Variants in SH3RF3 observed in about 807,000 individuals in gnomAD.
SH3RF3 encodes E3 ubiquitin-protein ligase SH3RF3.
SH3RF3 carries 29 observed loss-of-function variants against 66.3 expected under a neutral mutation model. That is an observed-to-expected ratio of 0.44 (90% CI 0.33 to 0.60). The LOEUF (loss-of-function observed/expected upper bound fraction) is 0.60, where lower values mean the gene tolerates loss of function less well. SH3RF3 is among the 20% of genes least tolerant of loss of function. SH3RF3 has a pLI of 0.04. For synonymous variants in SH3RF3, 583 were observed against 532.0 expected, an observed-to-expected ratio of 1.10 and a Z score of -1.32; for missense variants, 1,194 against 1,190.9, an observed-to-expected ratio of 1.00 and a Z score of -0.04.
chr2:109,465,332 G>A (rs1339282996), intron 8 of SH3RF3, among the ~76,000 whole-genome samples: 3 of 152,190 alleles, frequency 2.0e-5, no homozygotes, highest in Admixed American at 2.0e-4. Flanking sequence ...TACCAAGAAA[G>A]GAGATTTTAG....
At chr2:109,146,005 C>T (rs1281694078) in intron 1 of SH3RF3, among the ~76,000 whole-genome samples, 2 of 148,244 alleles carry the variant, frequency 1.3e-5, no homozygotes, top group Non-Finnish European at 2.9e-5. Context: ...ACCTCCCGGC[C>T]GCAGTGTCCT....
At chr2:109,435,096 A>G (rs2104579595) in intron 6 of SH3RF3, among the ~76,000 whole-genome samples, 1 of 152,096 alleles carries the variant, frequency 6.6e-6, no homozygotes, top group East Asian at 1.9e-4. Context: ...AGGAAAAGCC[A>G]CTCCAAATCT....
intron 1 of SH3RF3, among the ~76,000 whole-genome samples, chr2:109,307,555 C>T (rs1681627246): frequency 7.1e-6 from 1 of 140,648 alleles, no homozygotes; most frequent in Non-Finnish European, 1.5e-5. Flanking sequence ...GTATATCTCC[C>T]AATGCTATCC....
intron 1 of SH3RF3, chr2:109,251,774 C>CA (rs1371278188): frequency 5.7e-6 from 3 of 526,056 alleles, no homozygotes; most frequent in Non-Finnish European, 1.0e-5. Context: ...TTGTAATAGT[C>CA]AAAAAAAGAA....
chr2:109,190,977 C>T (rs139711650), intron 1 of SH3RF3, among the ~76,000 whole-genome samples: 54 of 151,270 alleles, frequency 3.6e-4, no homozygotes, highest in Middle Eastern at 6.8e-3. Context: ...TTAATAGTTG[C>T]GTCAGGCGAG....
At position 109,192,661 on chromosome 2, in the gene SH3RF3, C is replaced by G. The variant is rs1678397581; in HGVS notation, c.573+62548C>G. On this transcript the variant is annotated intron_variant, in intron 1 of 9. Transcript: ENST00000309415. Reference sequence around the variant, plus strand: ...AAGGTAATGCAAATAGGCCTTCCAACTGCAGAGGAAGACTCTTATAGATGA... The same window carrying G: ...AAGGTAATGCAAATAGGCCTTCCAAGTGCAGAGGAAGACTCTTATAGATGA... Among the ~76,000 whole-genome samples, 6 of 152,178 alleles carry G rather than the reference C, an allele frequency of 3.9e-5. No individual in the cohort carries two copies. The South Asian group carries it at 1.2e-3, about 32-fold the overall frequency.
intron 8 of SH3RF3, among the ~76,000 whole-genome samples, chr2:109,486,817 C>T (rs1189455124): frequency 6.6e-6 from 1 of 152,162 alleles, no homozygotes; most frequent in East Asian, 1.9e-4. Flanking sequence ...CGACAGCAGC[C>T]CATCACTTCC....
chr2:109,313,455 C>T (rs1681783596), intron 1 of SH3RF3: 2 of 154,232 alleles, frequency 1.3e-5, no homozygotes, highest in African/African-American at 4.8e-5. Context: ...CCCTGGCTGA[C>T]ATTTGGGTGC....
chr2:109,397,891 G>A lies in SH3RF3; in HGVS notation c.946-699G>A, dbSNP rs115669250. 6.2e-3 allele frequency among the ~76,000 whole-genome samples: 943 copies of A among 152,316 alleles called. 13 individuals carry two copies. The highest frequency in any genetic ancestry group is 0.021 in the African/African-American group (869 of 41,552). On this transcript the variant is annotated intron_variant, in intron 3 of 9. Transcript: ENST00000309415. Reference sequence around the variant, plus strand: ...AGACTTTCGTCAAACTCTTCACTGCGCACAACGCCTGCTATCTTGTAGAAC... The same window carrying A: ...AGACTTTCGTCAAACTCTTCACTGCACACAACGCCTGCTATCTTGTAGAAC...
At chr2:109,371,797 A>G (rs1683278454) in intron 3 of SH3RF3, 116 bp downstream of exon 3, 1 of 846,390 alleles carries the variant, frequency 1.2e-6, no homozygotes, top group Non-Finnish European at 1.9e-6. Context: ...ATCCTCCACA[A>G]TAGCCTCTGG....
At chr2:109,185,958 A>G (rs953151487) in intron 1 of SH3RF3, among the ~76,000 whole-genome samples, 1 of 152,208 alleles carries the variant, frequency 6.6e-6, no homozygotes, top group African/African-American at 2.4e-5. Flanking sequence ...GTGCTTGGCC[A>G]GCAGAGGCCT....
At chr2:109,273,565 A>G (rs1270681205) in intron 1 of SH3RF3, among the ~76,000 whole-genome samples, 1 of 152,212 alleles carries the variant, frequency 6.6e-6, no homozygotes, top group East Asian at 1.9e-4. Context: ...GTGAGGTGCC[A>G]GGTGTCTTGT....
intron 1 of SH3RF3, among the ~76,000 whole-genome samples, chr2:109,255,314 G>A (rs1028380097): frequency 5.9e-5 from 9 of 152,256 alleles, no homozygotes; most frequent in Middle Eastern, 3.4e-3. Context: ...ACCACCCACC[G>A]GTGAAACTTG....
chr2:109,179,154 G>A (rs1245320500), intron 1 of SH3RF3, among the ~76,000 whole-genome samples: 3 of 152,124 alleles, frequency 2.0e-5, no homozygotes, highest in Non-Finnish European at 4.4e-5. Flanking sequence ...GATGTACAAT[G>A]TCCCTGACCA....
chr2:109,466,858 T>C (rs901213279), intron 8 of SH3RF3, among the ~76,000 whole-genome samples: 2 of 152,220 alleles, frequency 1.3e-5, no homozygotes, highest in African/African-American at 4.8e-5. Flanking sequence ...TCTATACATG[T>C]GCATGTGTGT....
intron 1 of SH3RF3, among the ~76,000 whole-genome samples, chr2:109,271,910 A>AC (rs756480936): frequency 2.0e-5 from 3 of 152,354 alleles, no homozygotes; most frequent in Middle Eastern, 3.4e-3. Flanking sequence ...ACCGCTACGC[A>AC]CACACACTCA....
chr2:109,324,129 A>G (rs754125017), intron 1 of SH3RF3, among the ~76,000 whole-genome samples: 5 of 152,208 alleles, frequency 3.3e-5, no homozygotes, highest in Non-Finnish European at 7.3e-5. Context: ...TGGTTGTAGC[A>G]TGTTTCACTA....
chr2:109,295,874 G>A lies in SH3RF3; in HGVS notation c.574-51800G>A, dbSNP rs988486298. On this transcript the variant is annotated intron_variant, in intron 1 of 9. Transcript: ENST00000309415. Reference sequence around the variant, plus strand: ...CTTGAAGCTGGACTCTCTCTCAGGTGTAAGTGGGAGCTCCTTAGAGGTGGG... The same window carrying A: ...CTTGAAGCTGGACTCTCTCTCAGGTATAAGTGGGAGCTCCTTAGAGGTGGG... Among the ~76,000 whole-genome samples, 9 of 152,290 alleles carry A rather than the reference G, an allele frequency of 5.9e-5. No homozygotes were observed. The East Asian group carries it at 1.7e-3, about 29-fold the overall frequency.
chr2:109,196,112 G>A (rs1216074215), intron 1 of SH3RF3, among the ~76,000 whole-genome samples: 1 of 152,228 alleles, frequency 6.6e-6, no homozygotes, highest in South Asian at 2.1e-4. Flanking sequence ...TTAATGGGAC[G>A]AGGGACAGAA....
Sources: gnomAD v4.1 joint callset for allele counts (sites outside exome capture counted in the v4.1 genomes callset) on GRCh38, gnomAD v4.1.1 for gene constraint, MANE v1.5 for transcripts, NCBI Gene and HGNC (gene_info 2026-07-23, HGNC 2026-07-21) for gene names.